Variants in DNAAF9 observed in about 807,000 individuals in gnomAD.
The protein encoded by DNAAF9 is shulin.
DNAAF9 carries 90 observed loss-of-function variants against 167.0 expected under a neutral mutation model. The ratio of observed to expected loss-of-function variants is 0.54; its 90% CI spans 0.45 to 0.64. DNAAF9 has a LOEUF of 0.64. Ranked by LOEUF, DNAAF9 falls within the 30% of genes least tolerant of loss-of-function variation. The pLI, the probability that DNAAF9 is intolerant of heterozygous loss-of-function variation, is 0.00. For synonymous variants in DNAAF9, 491 were observed against 508.8 expected (o/e 0.96, Z 0.47); for missense variants, 1,315 against 1,442.2 (o/e 0.91, Z 1.43).
intron 35 of DNAAF9, among the ~76,000 whole-genome samples, chr20:3,254,361 G>A (rs1252925810): frequency 2.0e-5 from 3 of 152,176 alleles, no homozygotes; most frequent in South Asian, 2.1e-4. Context: ...TTACAGGCGT[G>A]AGCCACCATG....
chr20:3,327,394 A>G (rs981202966), intron 12 of DNAAF9, among the ~76,000 whole-genome samples: 9 of 152,060 alleles, frequency 5.9e-5, no homozygotes, highest in South Asian at 2.1e-4. Flanking sequence ...GGGAGGTACA[A>G]TAGAATTGCC....
At chr20:3,375,194 G>A (rs1417710388) in intron 4 of DNAAF9, 68 bp from the exon 5 acceptor site, 2 of 1,008,810 alleles carry the variant, frequency 2.0e-6, no homozygotes, top group Non-Finnish European at 3.1e-6. Context: ...TATTTTCTCT[G>A]CATTTTGTCA....
chr20:3,337,243 G>C (rs6037556), intron 10 of DNAAF9, among the ~76,000 whole-genome samples: 31,030 of 150,024 alleles, frequency 0.21, 3,492 homozygotes, highest in African/African-American at 0.28. Flanking sequence ...TACTCCAAGG[G>C]TATTTGTAGT....
At chr20:3,269,912 C>T (rs1311776264) in intron 30 of DNAAF9, among the ~76,000 whole-genome samples, 5 of 149,868 alleles carry the variant, frequency 3.3e-5, no homozygotes, top group South Asian at 2.1e-4. Flanking sequence ...GAGCCGAGAT[C>T]GCGCCACTGC....
intron 6 of DNAAF9, among the ~76,000 whole-genome samples, chr20:3,369,022 G>A (rs1490193079): frequency 5.3e-5 from 8 of 151,964 alleles, no homozygotes; most frequent in South Asian, 2.1e-4. Context: ...CCAGCTTCTC[G>A]GGAGGTTGTG....
chr20:3,407,454 G>T, intron 1 of DNAAF9, 21 bp downstream of exon 1: 1 of 1,300,784 alleles, frequency 7.7e-7, no homozygotes, highest in South Asian at 2.3e-5. Flanking sequence ...GCCGCCCCTC[G>T]GCTGCCTCTG....
intron 1 of DNAAF9, among the ~76,000 whole-genome samples, chr20:3,396,127 G>C (rs2083903838): frequency 6.6e-6 from 1 of 152,214 alleles, no homozygotes; most frequent in Admixed American, 6.5e-5. Flanking sequence ...CAGCCACGTG[G>C]AACTGTGAGT....
chr20:3,301,248 C>T (rs73608140), intron 21 of DNAAF9, among the ~76,000 whole-genome samples: 6,404 of 149,628 alleles, frequency 0.043, 379 homozygotes, highest in East Asian at 0.16. Flanking sequence ...AGTGCAATGG[C>T]GCAATCTCAG....
In DNAAF9 at chr20:3,315,136, C is replaced by T; in HGVS notation, c.1591-16G>A. 2.0e-6 allele frequency: 3 copies of T among 1,487,558 alleles called. No homozygotes were observed. The highest frequency in any genetic ancestry group is 2.8e-6 in the Non-Finnish European group (3 of 1,066,614). 92.1% of individuals were successfully genotyped at this position (1,487,558 alleles called of 1,614,324 possible). On this transcript the variant is annotated splice_polypyrimidine_tract_variant and intron_variant, in intron 19 of 36. Coordinates refer to ENST00000252032, the MANE Select transcript of DNAAF9 (RefSeq NM_001009984.3). The surrounding 1 kb of genome is among the most constrained non-coding windows in gnomAD (Gnocchi z 4.1). Reference sequence around the variant, plus strand: ...ACTCATCCCCCTTTAAAAACAACAACAAAAACAAAAATCCAAAAAAGAATA... The same window carrying T: ...ACTCATCCCCCTTTAAAAACAACAATAAAAACAAAAATCCAAAAAAGAATA...
intron 36 of DNAAF9, 122 bp downstream of exon 36, chr20:3,253,604 T>A: frequency 1.5e-6 from 1 of 688,396 alleles, no homozygotes; most frequent in Non-Finnish European, 2.7e-6. Flanking sequence ...TCAGTGGACA[T>A]GCAGAGTGCT....
At chr20:3,371,851 G>A (rs1227614713) in intron 6 of DNAAF9, among the ~76,000 whole-genome samples, 2 of 152,196 alleles carry the variant, frequency 1.3e-5, no homozygotes, top group African/African-American at 4.8e-5. Flanking sequence ...GCTGATTGAT[G>A]TAAATTTACA....
At chr20:3,292,347 A>T (rs1264990662) in intron 25 of DNAAF9, among the ~76,000 whole-genome samples, 1 of 152,154 alleles carries the variant, frequency 6.6e-6, no homozygotes, top group Admixed American at 6.5e-5. Context: ...TTACAAACAG[A>T]TGCTTTACAC....
chr20:3,259,600 G>A (rs758752803), intron 32 of DNAAF9, 46 bp from the exon 33 acceptor site: 6 of 1,316,648 alleles, frequency 4.6e-6, no homozygotes, highest in Non-Finnish European at 5.5e-6. Flanking sequence ...GGAGGCACAG[G>A]CCAAATTCAG....
chr20:3,318,232 G>GA, intron 17 of DNAAF9, 57 bp downstream of exon 17: 1 of 587,026 alleles, frequency 1.7e-6, no homozygotes, highest in Non-Finnish European at 2.8e-6. Context: ...AGTTTATTTT[G>GA]CCAAAAAAAA....
intron 23 of DNAAF9, chr20:3,295,876 G>A (rs1600726617): frequency 8.7e-7 from 1 of 1,144,826 alleles, no homozygotes; most frequent in East Asian, 2.4e-5. Context: ...ATGTTCTCAT[G>A]GGAGCCCAGC....
chr20:3,273,125 C>T (rs897026790), intron 29 of DNAAF9, among the ~76,000 whole-genome samples: 1 of 152,094 alleles, frequency 6.6e-6, no homozygotes, highest in African/African-American at 2.4e-5. Flanking sequence ...GCCATCGCGC[C>T]CGGTGAGAGT....
At chr20:3,364,705 C>T (rs940927611) in intron 6 of DNAAF9, among the ~76,000 whole-genome samples, 1 of 152,156 alleles carries the variant, frequency 6.6e-6, no homozygotes, top group Non-Finnish European at 1.5e-5. Context: ...ATCAAATGTA[C>T]ACACCTTAAT....
chr20:3,325,022 A>C (rs1349224426), intron 13 of DNAAF9, 54 bp from the exon 14 acceptor site: 6 of 972,648 alleles, frequency 6.2e-6, no homozygotes, highest in African/African-American at 1.6e-5. Flanking sequence ...AAAAGTACAC[A>C]TATCACTGAT....
intron 1 of DNAAF9, among the ~76,000 whole-genome samples, chr20:3,383,524 C>T (rs939444056): frequency 9.9e-5 from 15 of 151,770 alleles, no homozygotes; most frequent in African/African-American, 3.4e-4. Flanking sequence ...CGCCTCATGC[C>T]TTACAGGTGT....
Sources: gnomAD v4.1 joint callset for allele counts (sites outside exome capture counted in the v4.1 genomes callset) on GRCh38, gnomAD v4.1.1 for gene constraint, Gnocchi (gnomAD v3.1) non-coding constraint, MANE v1.5 for transcripts, NCBI Gene and HGNC (gene_info 2026-07-23, HGNC 2026-07-21) for gene names.